The following CEP350 variants were observed in gnomAD, a reference collection of about 807,000 sequenced individuals.
The protein encoded by CEP350 is centrosome-associated protein 350.
Under a neutral mutation model 331.8 loss-of-function variants are expected in CEP350, and 126 were observed. The ratio of observed to expected loss-of-function variants is 0.38; its 90% confidence interval spans 0.33 to 0.44. The LOEUF is 0.44. Among genes scored for constraint, CEP350 ranks in the 20% least tolerant of loss-of-function variants. The pLI is 1.00. For synonymous variants in CEP350, 1,200 were observed against 1,259.5 expected (o/e 0.95, Z 1.00); for missense variants, 3,406 against 3,634.6 (o/e 0.94, Z 1.62).
Position 180,064,015 on chromosome 1 carries a change from A to G in CEP350, c.5410-1100A>G, listed in dbSNP as rs936514689. ...AAGTTGCCAACAAATTAACATTGATACATTACTACCACTTAATCTGCAGAC... is the reference window on the plus strand; with the variant it reads ...AAGTTGCCAACAAATTAACATTGATGCATTACTACCACTTAATCTGCAGAC... On this transcript the variant is annotated intron_variant, in intron 26 of 37. Transcript: ENST00000367607. 2.0e-5 allele frequency among the ~76,000 whole-genome samples: 3 copies of G among 152,214 alleles called. No individual in the cohort carries two copies. In the East Asian group the frequency reaches 5.8e-4, roughly 29 times the overall value.
intron 29 of CEP350, among the ~76,000 whole-genome samples, chr1:180,079,210 T>C (rs1426915194): frequency 7.3e-6 from 1 of 136,202 alleles, no homozygotes; most frequent in Admixed American, 8.5e-5. Context: ...AAACTCAAGA[T>C]AGAAACTTAA....
At chr1:180,034,360 A>G (rs138350643) in intron 16 of CEP350, among the ~76,000 whole-genome samples, 33 of 152,308 alleles carry the variant, frequency 2.2e-4, no homozygotes, top group African/African-American at 7.9e-4. Context: ...ATATGCATGT[A>G]TACACACATG....
chr1:180,081,723 C>T (rs1228705635), intron 30 of CEP350, among the ~76,000 whole-genome samples: 2 of 152,242 alleles, frequency 1.3e-5, no homozygotes, highest in East Asian at 3.9e-4. Context: ...GCAGTTGTAA[C>T]ACAATGTTAA....
Position 180,048,650 on chromosome 1 carries a change from T to C in CEP350, c.4737T>C (p.Thr1579=). 5 of 1,612,530 alleles carry C rather than the reference T, an allele frequency of 3.1e-6. No individual in the cohort carries two copies. Among genetic ancestry groups the C allele is most frequent in the Non-Finnish European group, 4.2e-6 (5 of 1,178,890 alleles). Residue 1579 remains threonine (T), a synonymous_variant, in exon 22 of 38, where the codon ACT becomes ACC. Coordinates refer to ENST00000367607, the MANE Select transcript of CEP350 (RefSeq NM_014810.5). ...IESSIDEQVQ[T]AADDSLRSDS... Reference sequence around the variant, plus strand: ...GTTCCATTGATGAACAGGTTCAGACTGCTGCAGATGATTCTCTACGAAGTG... The same window carrying C: ...GTTCCATTGATGAACAGGTTCAGACCGCTGCAGATGATTCTCTACGAAGTG...
At chr1:180,107,460 G>C (rs1044083450) in intron 37 of CEP350, among the ~76,000 whole-genome samples, 1 of 152,182 alleles carries the variant, frequency 6.6e-6, no homozygotes, top group Non-Finnish European at 1.5e-5. Context: ...CCTGAGGTCA[G>C]GAGTTTGAGA....
At chr1:180,011,886 A>C (rs1277789132) in intron 8 of CEP350, 43 bp from the exon 9 acceptor site, 1 of 1,376,450 alleles carries the variant, frequency 7.3e-7, no homozygotes, top group South Asian at 1.3e-5. Flanking sequence ...ACTTCTTACA[A>C]TTAAAATTTA....
At chr1:179,976,912 T>C (rs922673383) in intron 1 of CEP350, among the ~76,000 whole-genome samples, 5 of 152,162 alleles carry the variant, frequency 3.3e-5, no homozygotes, top group Non-Finnish European at 7.3e-5. Flanking sequence ...GAGCAGAAAA[T>C]GAGGTACTAG....
chr1:179,978,150 G>A (rs1050596056), intron 1 of CEP350, among the ~76,000 whole-genome samples: 7 of 152,060 alleles, frequency 4.6e-5, no homozygotes, highest in South Asian at 4.2e-4. Flanking sequence ...ATTGCATGGC[G>A]CATGACTGTA....
rs1571849694 is a variant in CEP350 at position 180,003,165 on chromosome 1, A to G, written c.1019-9A>G. 1.9e-6 allele frequency: 3 copies of G among 1,545,616 alleles called. No homozygotes were observed. Among genetic ancestry groups the G allele is most frequent in the Middle Eastern group, 1.7e-4 (1 of 5,860 alleles). On this transcript the variant is annotated splice_polypyrimidine_tract_variant and intron_variant, in intron 6 of 37. Coordinates refer to ENST00000367607, the MANE Select transcript of CEP350 (RefSeq NM_014810.5). ...GATAAGAATATTCTGTGTTACTGGT[A>G]TGTATTAGGTTTCAACCCTTCAGAG...
At chr1:180,004,696 TATG>T (rs1226639676) in intron 7 of CEP350, among the ~76,000 whole-genome samples, 1 of 152,244 alleles carries the variant, frequency 6.6e-6, no homozygotes, top group East Asian at 1.9e-4. Flanking sequence ...ACTAATTTGT[TATG>T]ATCTGTCAGC....
intron 7 of CEP350, among the ~76,000 whole-genome samples, chr1:180,003,652 C>A (rs1414486074): frequency 6.6e-6 from 1 of 151,990 alleles, no homozygotes; most frequent in Non-Finnish European, 1.5e-5. Flanking sequence ...AAGATACTTA[C>A]ATGAGAGCAA....
chr1:180,064,050 G>T (rs1376862844), intron 26 of CEP350, among the ~76,000 whole-genome samples: 1 of 152,162 alleles, frequency 6.6e-6, no homozygotes, highest in African/African-American at 2.4e-5. Flanking sequence ...CTACCTGAAA[G>T]TGGGTGCCCT....
chr1:180,089,939 G>C (rs1181527370), intron 32 of CEP350, among the ~76,000 whole-genome samples: 2 of 152,136 alleles, frequency 1.3e-5, no homozygotes, highest in African/African-American at 4.8e-5. Context: ...ATTGTAAAAA[G>C]GTAGGACGTG....
intron 31 of CEP350, among the ~76,000 whole-genome samples, chr1:180,086,486 A>G (rs1645861977): frequency 6.6e-6 from 1 of 152,028 alleles, no homozygotes; most frequent in African/African-American, 2.4e-5. Flanking sequence ...GGCATAAACA[A>G]AGACAAAAGA....
At position 180,033,894 on chromosome 1, in the gene CEP350, C is replaced by T; in HGVS notation, c.3758C>T (p.Thr1253Ile). ...TCAGATAAGGGAAGATCTCAGAAAACTCCAACTTCTCCCCTGTCACCAAGT... is the reference window on the plus strand; with the variant it reads ...TCAGATAAGGGAAGATCTCAGAAAATTCCAACTTCTCCCCTGTCACCAAGT... ...VSSDKGRSQK[T>I]PTSPLSPSSQ... The change falls in exon 16 of 38, where the codon ACT becomes ATT. Residue 1253 changes from threonine (T) to isoleucine (I), a missense_variant. This residue lies in a region of CEP350 where 1,857 missense variants were observed against 1,909.2 expected (regional missense o/e 0.97). Transcript: ENST00000367607. 1 of 1,613,812 alleles carries T rather than the reference C, an allele frequency of 6.2e-7. No homozygotes were observed.
chr1:180,031,447 T>C lies in CEP350; in HGVS notation c.3678T>C (p.Thr1226=). The C allele has an allele frequency of 1.9e-6, 3 of 1,592,514 alleles. No individual in the cohort carries two copies. Among genetic ancestry groups the C allele is most frequent in the Non-Finnish European group, 2.6e-6 (3 of 1,168,124 alleles). The change falls in exon 15 of 38, where the codon ACT becomes ACC. Residue 1226 remains threonine (T), a synonymous_variant. Transcript: ENST00000367607. ...SKLSVKDFEQ[T]LDTDSTLEDL... ...TTTCTGTTAAAGATTTTGAGCAGAC[T>C]CTTGATACAGATAGCACTTTGGAGG...
At chr1:180,023,462 T>TA (rs1655467354) in intron 13 of CEP350, among the ~76,000 whole-genome samples, 1 of 152,186 alleles carries the variant, frequency 6.6e-6, no homozygotes, top group Non-Finnish European at 1.5e-5. Context: ...ATCAGATAGA[T>TA]ACATGACTCC....
chr1:180,076,946 T>C (rs1659256042), intron 28 of CEP350, among the ~76,000 whole-genome samples: 1 of 152,150 alleles, frequency 6.6e-6, no homozygotes, highest in Non-Finnish European at 1.5e-5. Context: ...TGATAAAATA[T>C]AGAAAGTTCT....
chr1:180,052,932 T>G, intron 22 of CEP350, 38 bp from the exon 23 acceptor site: 1 of 796,280 alleles, frequency 1.3e-6, no homozygotes, highest in Non-Finnish European at 2.1e-6. Context: ...CTGAGAACAA[T>G]TATAATGATA....
Sources: gnomAD v4.1 joint callset for allele counts (sites outside exome capture counted in the v4.1 genomes callset) on GRCh38, gnomAD v4.1.1 for gene constraint, gnomAD v4.1.1 regional missense constraint, MANE v1.5 for transcripts, NCBI Gene and HGNC (gene_info 2026-07-23, HGNC 2026-07-21) for gene names.